RNF2: variants seen among roughly 807,000 people sequenced by gnomAD.
RNF2 encodes the protein ring finger protein 2, also known as E3 ubiquitin-protein ligase RING2.
RNF2 carries 6 observed loss-of-function variants against 37.2 expected under a neutral mutation model. That is an observed-to-expected ratio of 0.16 (90% CI 0.09 to 0.32). The LOEUF is 0.32. Ranked by LOEUF, RNF2 falls within the 10% of genes least tolerant of loss-of-function variation. The pLI is 1.00. For missense variants in RNF2, 251 were observed against 404.0 expected (o/e 0.62, Z 3.25); for synonymous variants, 133 against 132.7 (o/e 1.00, Z -0.02).
intron 6 of RNF2, 100 bp downstream of exon 6, chr1:185,100,062 C>A: frequency 7.8e-7 from 1 of 1,288,252 alleles, no homozygotes; most frequent in South Asian, 1.4e-5. Context: ...ATGTAAAAAA[C>A]CGTAACAGTG....
rs1459446698 is a variant in RNF2 at position 185,070,673 on chromosome 1, G to C, written c.-2-16879G>C. On this transcript the variant is annotated intron_variant, in intron 1 of 6. Transcript: ENST00000367510. ...TTTTTTTTTGAGACCGAGTCTTGCT[G>C]TGTCACCCAGGCTGGAGTGCAGTGG... is the stretch of plus-strand genomic sequence containing the variant. Among the ~76,000 whole-genome samples, 4 of 131,138 alleles carry C rather than the reference G, an allele frequency of 3.1e-5. No individual in the cohort carries two copies. In the South Asian group the frequency reaches 9.4e-4, roughly 31 times the overall value. 86.0% of individuals were successfully genotyped at this position (131,138 alleles called of 152,430 possible). A position where few individuals can be genotyped will look rare whatever the true frequency, so the allele number is the denominator to read the frequency against.
intron 1 of RNF2, among the ~76,000 whole-genome samples, chr1:185,079,204 A>G (rs560567649): frequency 6.6e-6 from 1 of 152,150 alleles, no homozygotes; most frequent in Non-Finnish European, 1.5e-5. Flanking sequence ...TTTGTATAGA[A>G]GCATTTCTGG....
At chr1:185,099,718 G>GT in intron 5 of RNF2, 73 bp from the exon 6 acceptor site, 1 of 1,253,874 alleles carries the variant, frequency 8.0e-7, no homozygotes, top group Non-Finnish European at 1.1e-6. Flanking sequence ...AAATGTATTA[G>GT]TTCCATAATT....
intron 1 of RNF2, among the ~76,000 whole-genome samples, chr1:185,047,900 C>G (rs935755032): frequency 1.3e-5 from 2 of 152,164 alleles, no homozygotes; most frequent in Non-Finnish European, 2.9e-5. Context: ...TCGATTGATT[C>G]ATTTATTTGA....
intron 2 of RNF2, 57 bp from the exon 3 acceptor site, chr1:185,091,522 A>G: frequency 6.5e-7 from 1 of 1,536,846 alleles, no homozygotes; most frequent in Non-Finnish European, 8.9e-7. Context: ...TATATGTTTG[A>G]GCTTGTCCAT....
intron 1 of RNF2, among the ~76,000 whole-genome samples, chr1:185,076,534 C>T (rs559021929): frequency 2.1e-4 from 31 of 150,820 alleles, no homozygotes; most frequent in Admixed American, 7.9e-4. Context: ...GATCCACCTG[C>T]CTTGGCCTCC....
At chr1:185,083,847 T>C (rs1371636086) in intron 1 of RNF2, among the ~76,000 whole-genome samples, 1 of 150,368 alleles carries the variant, frequency 6.7e-6, no homozygotes, top group Non-Finnish European at 1.5e-5. Flanking sequence ...ACTCAAGTGA[T>C]CTACCTGTCT....
rs1400750246 is a variant in RNF2, at chr1:185,098,078, G to A, written c.471G>A (p.Gln157=). 6.2e-7 allele frequency: 1 copy of A among 1,613,776 alleles called. No homozygotes were observed. Among genetic ancestry groups the A allele is most frequent in the South Asian group, 1.1e-5 (1 of 91,078 alleles). Residue 157 remains glutamine, a synonymous_variant, in exon 5 of 7, where the codon CAG becomes CAA. Coordinates refer to ENST00000367510, the MANE Select transcript of RNF2 (RefSeq NM_007212.4). Reference sequence around the variant, plus strand: ...TTTTTTCCCCCTTGACTAGACTGCAGCGAGGCAAGAAACAACAGATTGAAA... The same window carrying A: ...TTTTTTCCCCCTTGACTAGACTGCAACGAGGCAAGAAACAACAGATTGAAA... The part of the protein sequence containing the change: ...GLKIQAMNRL[Q]RGKKQQIENG...
chr1:185,086,575 G>T (rs552904824), intron 1 of RNF2, among the ~76,000 whole-genome samples: 1 of 152,312 alleles, frequency 6.6e-6, no homozygotes, highest in East Asian at 1.9e-4. Flanking sequence ...AATCAGGTGG[G>T]ATATGATACC....
intron 4 of RNF2, among the ~76,000 whole-genome samples, chr1:185,095,968 T>C (rs931121944): frequency 1.1e-4 from 16 of 152,292 alleles, no homozygotes; most frequent in African/African-American, 3.8e-4. Context: ...ATTTGATAAA[T>C]GTAGGATATA....
At chr1:185,046,798 C>G (rs532863009) in intron 1 of RNF2, among the ~76,000 whole-genome samples, 1 of 152,308 alleles carries the variant, frequency 6.6e-6, no homozygotes, top group East Asian at 1.9e-4. Context: ...ATTACATAAT[C>G]TACTTTTGGT....
chr1:185,062,819 C>A (rs1048080435), intron 1 of RNF2, among the ~76,000 whole-genome samples: 9 of 149,664 alleles, frequency 6.0e-5, no homozygotes, highest in East Asian at 3.9e-4. Context: ...CTCCCCCCCC[C>A]CAAAAAAAGG....
At chr1:185,099,736 AT>A in intron 5 of RNF2, 54 bp from the exon 6 acceptor site, 1 of 1,446,956 alleles carries the variant, frequency 6.9e-7, no homozygotes, top group Non-Finnish European at 9.5e-7. Flanking sequence ...ATTTAAGTAC[AT>A]TTTTCTCATT....
Position 185,072,354 on chromosome 1 carries a change from T to G in RNF2, c.-2-15198T>G, listed in dbSNP as rs1315085052. 5.9e-5 allele frequency among the ~76,000 whole-genome samples: 9 copies of G among 152,256 alleles called. No individual in the cohort carries two copies. In the East Asian group the frequency reaches 7.7e-4, roughly 13 times the overall value. On this transcript the variant is annotated intron_variant, in intron 1 of 6. Transcript: ENST00000367510. The stretch of plus-strand genomic sequence containing the variant: ...CCATTGATGAGTTCTTAAGCAAATA[T>G]TTATTGAATGACTACTATATGCCAG...
At chr1:185,091,514 T>C in intron 2 of RNF2, 65 bp from the exon 3 acceptor site, 2 of 1,489,348 alleles carry the variant, frequency 1.3e-6, no homozygotes, top group Non-Finnish European at 1.8e-6. Flanking sequence ...AGTACTTTTA[T>C]ATGTTTGAGC....
At chr1:185,073,102 T>C (rs1651036863) in intron 1 of RNF2, among the ~76,000 whole-genome samples, 1 of 151,690 alleles carries the variant, frequency 6.6e-6, no homozygotes, top group South Asian at 2.1e-4. Context: ...ATACATATAT[T>C]GAGTTCTGTG....
intron 1 of RNF2, among the ~76,000 whole-genome samples, chr1:185,086,233 T>A (rs1651597410): frequency 6.6e-6 from 1 of 152,158 alleles, no homozygotes; most frequent in Admixed American, 6.5e-5. Context: ...CGATTGTTGT[T>A]TATCTATTTG....
At chr1:185,065,331 G>C (rs1252198035) in intron 1 of RNF2, among the ~76,000 whole-genome samples, 2 of 152,238 alleles carry the variant, frequency 1.3e-5, no homozygotes, top group Non-Finnish European at 2.9e-5. Flanking sequence ...GTAGGATGTG[G>C]GCAGGGCCAA....
At chr1:185,083,208 T>C (rs2102189004) in intron 1 of RNF2, among the ~76,000 whole-genome samples, 1 of 152,336 alleles carries the variant, frequency 6.6e-6, no homozygotes, top group Middle Eastern at 3.4e-3. Flanking sequence ...GAGGATAAAA[T>C]ATCTTTTGAT....
Sources: allele counts gnomAD v4.1 joint callset (sites outside exome capture counted in the v4.1 genomes callset), GRCh38; gene constraint gnomAD v4.1.1; transcripts MANE v1.5; gene names NCBI Gene and HGNC (gene_info 2026-07-23, HGNC 2026-07-21).